Variants in ST6GALNAC6 observed in about 807,000 individuals in gnomAD.
ST6GALNAC6 encodes alpha-N-acetylgalactosaminide alpha-2,6-sialyltransferase 6.
A neutral mutation model predicts 34.3 loss-of-function variants in ST6GALNAC6; 19 were observed. That is an observed-to-expected ratio of 0.55 (90% CI 0.39 to 0.81). The LOEUF (loss-of-function observed/expected upper bound fraction) is 0.81, where lower values mean the gene tolerates loss of function less well. ST6GALNAC6 is among the 40% of genes least tolerant of loss of function. ST6GALNAC6 has a pLI of 0.00. For missense variants in ST6GALNAC6, 377 were observed against 467.7 expected (o/e 0.81, Z 1.79); for synonymous variants, 185 against 182.1 (o/e 1.02, Z -0.13).
rs1829772090 is a variant in ST6GALNAC6 at position 127,886,627 on chromosome 9, A to G, written c.974T>C (p.Ile325Thr). The G allele has an allele frequency of 9.9e-6, 16 of 1,612,934 alleles. No individual in the cohort carries two copies. The highest frequency in any genetic ancestry group is 1.3e-5 in the Non-Finnish European group (15 of 1,179,844). Residue 325 changes from isoleucine to threonine, a missense_variant, in exon 7 of 7, where the codon ATC becomes ACC. Ile to Thr is a moderately conservative substitution (Grantham distance 89). Transcript: ENST00000373146. ...VFSSWAQLYGITFSHPSWT is the reference protein window; with the variant it reads ...VFSSWAQLYGTTFSHPSWT ...GGTCCAGGAGGGGTGGGAGAAGGTG[A>G]TGCCATACAGCTGGGCCCACGATGA...
At position 127,888,182 on chromosome 9, in the gene ST6GALNAC6, G is replaced by T. The variant is rs1023297383; in HGVS notation, c.705-591C>A. On this transcript the variant is annotated intron_variant, in intron 5 of 6. Coordinates refer to ENST00000373146, the MANE Select transcript of ST6GALNAC6 (RefSeq NM_013443.5). ...CCCAGGACTTCAAGACCAGCCTGGG[G>T]AACATAGTGAGACCTCATCTCTACA... is the stretch of plus-strand genomic sequence containing the variant. Among the ~76,000 whole-genome samples the T allele has an allele frequency of 2.0e-5, 3 of 152,252 alleles. No individual in the cohort carries two copies. The South Asian group carries it at 6.2e-4, about 32-fold the overall frequency.
At chr9:127,897,792 G>A in intron 2 of ST6GALNAC6, 164 bp downstream of exon 2, 1 of 1,490,718 alleles carries the variant, frequency 6.7e-7, no homozygotes, top group Non-Finnish European at 8.9e-7. Flanking sequence ...ACCCTTTCCT[G>A]CGGATGCCCC....
In ST6GALNAC6 at chr9:127,886,389, C is replaced by T; in HGVS notation, c.*210G>A. ...GACCCTGACTGCACAAGAAAGACACCCCTGATTAACCGCATAGACTCCCAA... is the reference window on the plus strand; with the variant it reads ...GACCCTGACTGCACAAGAAAGACACTCCTGATTAACCGCATAGACTCCCAA... On this transcript the variant is annotated 3_prime_UTR_variant, in exon 7 of 7. Coordinates refer to ENST00000373146, the MANE Select transcript of ST6GALNAC6 (RefSeq NM_013443.5). 1 of 1,409,232 alleles carries T rather than the reference C, an allele frequency of 7.1e-7. No individual in the cohort carries two copies. Among genetic ancestry groups the T allele is most frequent in the Non-Finnish European group, 9.3e-7 (1 of 1,074,880 alleles). 87.3% of individuals were successfully genotyped at this position (1,409,232 alleles called of 1,614,324 possible).
intron 5 of ST6GALNAC6, among the ~76,000 whole-genome samples, chr9:127,888,609 C>T (rs1005997026): frequency 1.3e-5 from 2 of 151,432 alleles, no homozygotes; most frequent in African/African-American, 2.4e-5. Flanking sequence ...GAGATTGAGA[C>T]CAGCCTGGCC....
rs888196026 is a variant in ST6GALNAC6 at position 127,897,257 on chromosome 9, G to C, written c.26+699C>G. 9 of 985,784 alleles carry C rather than the reference G, an allele frequency of 9.1e-6. No individual in the cohort carries two copies. In the African/African-American group the frequency reaches 1.4e-4, roughly 15 times the overall value. The allele number at this position is 985,784 out of a possible 1,614,324, so 61.1% of individuals were successfully genotyped here. On this transcript the variant is annotated intron_variant, in intron 2 of 6. Transcript: ENST00000373146. ...GCCTACCTCCAGCAGACAGGCCGGG[G>C]GCAGGGCGGGCAGGAGTGCAGAGGG...
At chr9:127,899,606 C>T, upstream of ST6GALNAC6, 2 of 982,116 alleles carry the variant, frequency 2.0e-6, no homozygotes, top group Non-Finnish European at 2.4e-6. Flanking sequence ...CAGGCCTCGC[C>T]GCACCCGCGG....
chr9:127,888,561 C>T (rs1276803642), intron 5 of ST6GALNAC6, among the ~76,000 whole-genome samples: 3 of 150,782 alleles, frequency 2.0e-5, no homozygotes, highest in Non-Finnish European at 2.9e-5. Context: ...GTAATCCCAG[C>T]ACTTTGGGAG....
chr9:127,905,554 G>T, upstream of ST6GALNAC6: 2 of 513,120 alleles, frequency 3.9e-6, no homozygotes, highest in Non-Finnish European at 5.0e-6. Flanking sequence ...AGAACCAGTG[G>T]ACACTGGGCC....
chr9:127,900,791 C>T (rs1386753851), upstream of ST6GALNAC6, among the ~76,000 whole-genome samples: 1 of 149,448 alleles, frequency 6.7e-6, no homozygotes, highest in Non-Finnish European at 1.5e-5. Flanking sequence ...CTCCCCCAAC[C>T]CCCCACCCCA....
upstream of ST6GALNAC6, chr9:127,899,764 CCTCGG>C: frequency 1.6e-6 from 1 of 614,410 alleles, no homozygotes; most frequent in Non-Finnish European, 2.0e-6. Flanking sequence ...CTGGTGAGCG[CCTCGG>C]TCACCCCACT....
At chr9:127,891,775 G>C (rs1413337404) in intron 4 of ST6GALNAC6, among the ~76,000 whole-genome samples, 1 of 135,248 alleles carries the variant, frequency 7.4e-6, no homozygotes, top group Non-Finnish European at 1.6e-5. Flanking sequence ...GGGACAGAGA[G>C]GGGGGAGAGG....
intron 4 of ST6GALNAC6, 118 bp from the exon 5 acceptor site, chr9:127,891,161 A>G: frequency 8.0e-7 from 1 of 1,254,858 alleles, no homozygotes; most frequent in Non-Finnish European, 1.1e-6. Flanking sequence ...AGGGAAACTG[A>G]GCCCATTCAT....
intron 2 of ST6GALNAC6, 119 bp downstream of exon 2, chr9:127,897,837 C>A: frequency 2.8e-5 from 45 of 1,580,270 alleles, no homozygotes; most frequent in Non-Finnish European, 3.9e-5. Flanking sequence ...TTTGCCCGAG[C>A]TGTGCCCTCA....
rs961661153 is a variant in ST6GALNAC6, at chr9:127,886,568, G to C, written c.*31C>G. 1.2e-6 allele frequency: 2 copies of C among 1,612,152 alleles called. No homozygotes were observed. Among genetic ancestry groups the C allele is most frequent in the Admixed American group, 1.7e-5 (1 of 59,762 alleles). On this transcript the variant is annotated 3_prime_UTR_variant, in exon 7 of 7. Transcript: ENST00000373146. ...GCTGGGCGGAGGCTGCTTCTCCTCT[G>C]ACCCTCCTGAGGTCCCACAGGCTGG... is the stretch of plus-strand genomic sequence containing the variant.
In ST6GALNAC6 at chr9:127,890,128, A is replaced by G. The variant is rs912191821; in HGVS notation, c.704+509T>C. On this transcript the variant is annotated intron_variant, in intron 5 of 6. Coordinates refer to ENST00000373146, the MANE Select transcript of ST6GALNAC6 (RefSeq NM_013443.5). This position sits in a 1 kb window ranked among gnomAD's most constrained non-coding sequence, Gnocchi z 4.3. Reference sequence around the variant, plus strand: ...TAATTTTAAAGTGCGATTACTATGAAAATAAATGACATATGTGGCTCACAT... The same window carrying G: ...TAATTTTAAAGTGCGATTACTATGAGAATAAATGACATATGTGGCTCACAT... Among the ~76,000 whole-genome samples the G allele has an allele frequency of 2.6e-5, 4 of 152,218 alleles. No homozygotes were observed. In the South Asian group the frequency reaches 6.2e-4, roughly 24 times the overall value.
upstream of ST6GALNAC6, chr9:127,903,431 C>G (rs1276579497): frequency 2.0e-5 from 3 of 152,186 alleles, no homozygotes; most frequent in Non-Finnish European, 4.4e-5. Flanking sequence ...CGGTTGGGTG[C>G]TACCTTCACT....
In ST6GALNAC6 at chr9:127,896,223, G is replaced by A. The variant is rs775893607; in HGVS notation, c.117+19C>T. The A allele has an allele frequency of 1.2e-6, 2 of 1,613,938 alleles. No homozygotes were observed. The highest frequency in any genetic ancestry group is 1.3e-5 in the African/African-American group (1 of 75,054). On this transcript the variant is annotated intron_variant, in intron 3 of 6. Transcript: ENST00000373146. Reference sequence around the variant, plus strand: ...GAAGTGAGAGGCTCAATGGGGTTAAGAAATGAAGGCAGACTTACTTTGTTG... The same window carrying A: ...GAAGTGAGAGGCTCAATGGGGTTAAAAAATGAAGGCAGACTTACTTTGTTG...
At chr9:127,906,279 A>G (rs931467706), upstream of ST6GALNAC6, among the ~76,000 whole-genome samples, 3 of 151,928 alleles carry the variant, frequency 2.0e-5, no homozygotes, top group Admixed American at 6.6e-5. Flanking sequence ...CAAACAAAAA[A>G]CCCTAAGAAT....
rs190099259 is a variant in ST6GALNAC6 at position 127,888,476 on chromosome 9, C to A, written c.705-885G>T. Among the ~76,000 whole-genome samples the A allele has an allele frequency of 2.8e-5, 4 of 143,048 alleles. No individual in the cohort carries two copies. In the East Asian group the frequency reaches 8.1e-4, roughly 29 times the overall value. The allele number at this position is 143,048 out of a possible 152,430, so 93.8% of individuals were successfully genotyped here. ...CCGAGATCGCACCACTACACTCTAG[C>A]CTGGGCAACAGAGTGAGACTCCTTC... On this transcript the variant is annotated intron_variant, in intron 5 of 6. Transcript: ENST00000373146.
Sources: allele counts gnomAD v4.1 joint callset (sites outside exome capture counted in the v4.1 genomes callset), GRCh38; gene constraint gnomAD v4.1.1; non-coding constraint Gnocchi (gnomAD v3.1); transcripts MANE v1.5; gene names NCBI Gene and HGNC (gene_info 2026-07-23, HGNC 2026-07-21).